The following CSNK2A1 variants were observed in gnomAD, a reference collection of about 807,000 sequenced individuals.
CSNK2A1 encodes the protein casein kinase 2 alpha 1.
A neutral mutation model predicts 62.9 loss-of-function variants in CSNK2A1; 10 were observed. That is an observed-to-expected ratio of 0.16 (90% confidence interval 0.10 to 0.27). CSNK2A1 has a LOEUF of 0.27. CSNK2A1 is among the 10% of genes least tolerant of loss of function. The probability of loss-of-function intolerance (pLI) is 1.00; values close to 1 mark genes in which losing one functional copy is unlikely to be tolerated. For synonymous variants in CSNK2A1, 124 were observed against 167.8 expected (o/e 0.74, Z 2.02); for missense variants, 160 against 492.0 (o/e 0.33, Z 6.38).
intron 1 of CSNK2A1, among the ~76,000 whole-genome samples, chr20:540,217 G>A (rs191265127): frequency 2.6e-5 from 4 of 152,296 alleles, no homozygotes; most frequent in Admixed American, 2.6e-4. Context: ...AACTAGAACT[G>A]TTTATGTTGG....
At chr20:537,847 C>T (rs931110411) in intron 1 of CSNK2A1, among the ~76,000 whole-genome samples, 5 of 152,150 alleles carry the variant, frequency 3.3e-5, no homozygotes, top group Admixed American at 1.3e-4. Context: ...AATACTAAGC[C>T]CTTACCTAAT....
intron 2 of CSNK2A1, among the ~76,000 whole-genome samples, chr20:512,870 G>A (rs972616951): frequency 1.3e-5 from 2 of 151,922 alleles, no homozygotes; most frequent in African/African-American, 2.4e-5. Flanking sequence ...AACTGTAAAC[G>A]CACACACACA....
chr20:540,495 T>TAGC (rs1301975223), intron 1 of CSNK2A1, among the ~76,000 whole-genome samples: 4 of 152,176 alleles, frequency 2.6e-5, no homozygotes, highest in Admixed American at 6.5e-5. Context: ...GGGCCCTCAC[T>TAGC]AGCAGAGTCA....
At chr20:487,308 T>G in intron 12 of CSNK2A1, 119 bp downstream of exon 12, 1 of 1,427,270 alleles carries the variant, frequency 7.0e-7, no homozygotes. Flanking sequence ...ACTGGAAGAA[T>G]CTGAGGCTCA....
At chr20:520,377 T>A (rs1310579553) in intron 2 of CSNK2A1, among the ~76,000 whole-genome samples, 3 of 152,036 alleles carry the variant, frequency 2.0e-5, no homozygotes, top group Non-Finnish European at 2.9e-5. Flanking sequence ...GGATAATACA[T>A]AGATCAAGGG....
intron 1 of CSNK2A1, among the ~76,000 whole-genome samples, chr20:529,842 T>C (rs1397709538): frequency 1.3e-5 from 2 of 152,216 alleles, no homozygotes; most frequent in Non-Finnish European, 2.9e-5. Context: ...AAAACTGTGT[T>C]CCAACTGATG....
chr20:490,317 G>A lies in CSNK2A1; in HGVS notation c.622-436C>T, dbSNP rs1438577557. Among the ~76,000 whole-genome samples the A allele has an allele frequency of 3.8e-5, 5 of 130,366 alleles. No individual in the cohort carries two copies. In the South Asian group the frequency reaches 7.6e-4, roughly 20 times the overall value. 85.5% of individuals were successfully genotyped at this position (130,366 alleles called of 152,430 possible). A position where few individuals can be genotyped will look rare whatever the true frequency, so the allele number is the denominator to read the frequency against. On this transcript the variant is annotated intron_variant, in intron 9 of 13. Transcript: ENST00000217244. ...GCTAGGATTACAGGCATGACCCACC[G>A]TGCCTGGCTAGTTTTTTCTTTTTTT...
intron 2 of CSNK2A1, among the ~76,000 whole-genome samples, chr20:516,315 T>C (rs1166152437): frequency 6.6e-6 from 1 of 152,252 alleles, no homozygotes; most frequent in Non-Finnish European, 1.5e-5. Flanking sequence ...TTTGAAGACA[T>C]GGCTAGGTCT....
chr20:523,620 G>A (rs181868613), intron 2 of CSNK2A1, among the ~76,000 whole-genome samples: 141 of 152,210 alleles, frequency 9.3e-4, no homozygotes, highest in African/African-American at 3.2e-3. Context: ...GGTTGGGCAC[G>A]GTGGCTCACG....
chr20:505,376 T>G (rs2018555307), intron 3 of CSNK2A1, 147 bp from the exon 4 acceptor site: 3 of 597,404 alleles, frequency 5.0e-6, no homozygotes, highest in South Asian at 2.1e-5. Flanking sequence ...TTTTTTTTTT[T>G]GGAGATGGAG....
chr20:509,506 A>G (rs1170790127), intron 2 of CSNK2A1, among the ~76,000 whole-genome samples: 1 of 152,186 alleles, frequency 6.6e-6, no homozygotes, highest in Non-Finnish European at 1.5e-5. Flanking sequence ...GAGTCTCCAG[A>G]TTGTGATAAC....
At chr20:485,085 A>ATAT (rs2018046677) in intron 13 of CSNK2A1, among the ~76,000 whole-genome samples, 1 of 35,904 alleles carries the variant, frequency 2.8e-5, no homozygotes, top group Non-Finnish European at 5.3e-5. Flanking sequence ...AAAAAAAAAA[A>ATAT]AAAAAAAAAA....
At chr20:519,797 G>C (rs1300916630) in intron 2 of CSNK2A1, among the ~76,000 whole-genome samples, 1 of 152,112 alleles carries the variant, frequency 6.6e-6, no homozygotes, top group Non-Finnish European at 1.5e-5. Flanking sequence ...GAGCAAAAAA[G>C]AGGAAAATTT....
chr20:518,083 A>T (rs75834664), intron 2 of CSNK2A1, among the ~76,000 whole-genome samples: 1,530 of 152,226 alleles, frequency 0.01, 12 homozygotes, highest in Non-Finnish European at 0.017. Flanking sequence ...CTCCCACCTC[A>T]GCCTCCCAAG....
At position 499,176 on chromosome 20, in the gene CSNK2A1, G is replaced by C. The variant is rs989625588; in HGVS notation, c.366+79C>G. The C allele has an allele frequency of 1.3e-5, 16 of 1,220,680 alleles. No homozygotes were observed. The highest frequency in any genetic ancestry group is 4.7e-5 in the African/African-American group (3 of 64,048). The allele number at this position is 1,220,680 out of a possible 1,614,324, so 75.6% of individuals were successfully genotyped here. ...CTTTTTAAAAACAAATGCGAAGCAA[G>C]CTCTTCTAACAGCATCATCCCCAAA... On this transcript the variant is annotated intron_variant, in intron 6 of 13. Coordinates refer to ENST00000217244, the MANE Select transcript of CSNK2A1 (RefSeq NM_177559.3). The surrounding 1 kb of genome is among the most constrained non-coding windows in gnomAD (Gnocchi z 4.2).
chr20:490,893 GAAA>G (rs36034582), intron 9 of CSNK2A1, among the ~76,000 whole-genome samples: 10 of 102,184 alleles, frequency 9.8e-5, no homozygotes, highest in Admixed American at 2.2e-4. Context: ...TCACTTACAT[GAAA>G]AAAAAAAAAA....
chr20:510,116 C>G (rs1438811510), intron 2 of CSNK2A1: 1 of 151,186 alleles, frequency 6.6e-6, no homozygotes, highest in African/African-American at 2.4e-5. Flanking sequence ...ATTATTGTAT[C>G]AATGTAAATT....
chr20:499,371 A>G lies in CSNK2A1; in HGVS notation c.316-66T>C. The G allele has an allele frequency of 6.7e-7, 1 of 1,482,606 alleles. No individual in the cohort carries two copies. The highest frequency in any genetic ancestry group is 9.2e-7 in the Non-Finnish European group (1 of 1,082,962). The allele number at this position is 1,482,606 out of a possible 1,614,324, so 91.8% of individuals were successfully genotyped here. ...AGCCCTGACAGCTTTAATGGGGACA[A>G]TGTTTGCGGATGCTGCGTGGTGAAA... On this transcript the variant is annotated intron_variant, in intron 5 of 13. Transcript: ENST00000217244. The surrounding 1 kb of genome is among the most constrained non-coding windows in gnomAD (Gnocchi z 4.2).
At position 512,441 on chromosome 20, in the gene CSNK2A1, C is replaced by CT. The variant is rs372189796; in HGVS notation, c.-109-3782dup. On this transcript the variant is annotated intron_variant, in intron 2 of 13. Transcript: ENST00000217244. ...TGTTAACTATACTGTTTTTTTGTTG[C>CT]TTACAAGCTGCTCATCTTTCCAAGG... Among the ~76,000 whole-genome samples, 819 of 152,028 alleles carry CT rather than the reference C, an allele frequency of 5.4e-3. 6 individuals are homozygous for CT. The highest frequency in any genetic ancestry group is 0.019 in the African/African-American group (772 of 41,470).
Sources: gnomAD v4.1 joint callset for allele counts (sites outside exome capture counted in the v4.1 genomes callset) on GRCh38, gnomAD v4.1.1 for gene constraint, Gnocchi (gnomAD v3.1) non-coding constraint, MANE v1.5 for transcripts, NCBI Gene and HGNC (gene_info 2026-07-23, HGNC 2026-07-21) for gene names.